The following RIMS1 variants were observed in gnomAD, a reference collection of about 807,000 sequenced individuals.
RIMS1 encodes the protein regulating synaptic membrane exocytosis protein 1.
A neutral mutation model predicts 214.1 loss-of-function variants in RIMS1; 83 were observed. The observed-to-expected ratio is 0.39, with a 90% CI of 0.32 to 0.47. The LOEUF is 0.47. RIMS1 is among the 20% of genes least tolerant of loss of function. RIMS1 has a pLI of 0.99. For missense variants in RIMS1, 2,050 were observed against 2,161.8 expected (o/e 0.95, Z 1.03); for synonymous variants, 793 against 786.8 (o/e 1.01, Z -0.13).
intron 2 of RIMS1, among the ~76,000 whole-genome samples, chr6:72,017,854 A>G (rs1813280276): frequency 6.6e-6 from 1 of 152,246 alleles, no homozygotes; most frequent in African/African-American, 2.4e-5. Context: ...TGTGTGAGCC[A>G]TTCTGGGCAG....
chr6:72,041,235 G>A (rs750179599), intron 2 of RIMS1, among the ~76,000 whole-genome samples: 3 of 151,904 alleles, frequency 2.0e-5, no homozygotes, highest in South Asian at 2.1e-4. Context: ...AGAAGACAGA[G>A]CATTGCATTC....
chr6:72,008,802 A>C (rs1366822328), intron 2 of RIMS1, among the ~76,000 whole-genome samples: 4 of 152,232 alleles, frequency 2.6e-5, no homozygotes. Flanking sequence ...CATGCAATAC[A>C]GGAGCACCCA....
intron 4 of RIMS1, among the ~76,000 whole-genome samples, chr6:72,110,287 T>G (rs1380417410): frequency 6.6e-6 from 1 of 152,222 alleles, no homozygotes; most frequent in Non-Finnish European, 1.5e-5. Context: ...ATAAATTACC[T>G]TGGGCAGTAT....
chr6:72,053,317 C>T (rs375852761), intron 2 of RIMS1, among the ~76,000 whole-genome samples: 14 of 152,274 alleles, frequency 9.2e-5, no homozygotes, highest in East Asian at 1.9e-4. Flanking sequence ...GGCATATTTA[C>T]GTTGCCTATT....
rs114463117 is a variant in RIMS1, at chr6:71,963,598, T to C, written c.165-5385T>C. On this transcript the variant is annotated intron_variant, in intron 1 of 33. Transcript: ENST00000521978. ...ATAGTATTTCACTGGTTCAAAGCAGTAATTGGATATTAAAGAGTCCTTTCC... is the reference window on the plus strand; with the variant it reads ...ATAGTATTTCACTGGTTCAAAGCAGCAATTGGATATTAAAGAGTCCTTTCC... 7.8e-3 allele frequency among the ~76,000 whole-genome samples: 1,194 copies of C among 152,284 alleles called. 14 individuals are homozygous for C. Among genetic ancestry groups the C allele is most frequent in the African/African-American group, 0.027 (1,125 of 41,558 alleles).
At chr6:72,050,359 C>G (rs573673573) in intron 2 of RIMS1, among the ~76,000 whole-genome samples, 2 of 152,262 alleles carry the variant, frequency 1.3e-5, no homozygotes, top group African/African-American at 4.8e-5. Flanking sequence ...TCTCTTAAAG[C>G]CTTCTCCATC....
chr6:72,376,251 A>G (rs977253394), intron 29 of RIMS1, among the ~76,000 whole-genome samples: 6 of 152,074 alleles, frequency 3.9e-5, no homozygotes, highest in African/African-American at 1.2e-4. Context: ...GTGAAGTGTA[A>G]GTTTTGCTAC....
rs2064907280 is a variant in RIMS1 at position 72,237,863 on chromosome 6, C to T, written c.1898C>T (p.Ala633Val). The change falls in exon 9 of 34, where the codon GCT becomes GTT. Residue 633 changes from alanine to valine, a missense_variant. Ala to Val is a moderately conservative substitution (Grantham distance 64). Transcript: ENST00000521978. ...GKMTDLGRLG[A>V]FITKVKKGSL... Reference sequence around the variant, plus strand: ...ATGACTGACTTAGGACGACTTGGTGCTTTCATCACCAAAGTAAAGAAGGGT... The same window carrying T: ...ATGACTGACTTAGGACGACTTGGTGTTTTCATCACCAAAGTAAAGAAGGGT... The T allele has an allele frequency of 6.2e-7, 1 of 1,613,364 alleles. No homozygotes were observed. Among genetic ancestry groups the T allele is most frequent in the Non-Finnish European group, 8.5e-7 (1 of 1,179,574 alleles).
intron 29 of RIMS1, among the ~76,000 whole-genome samples, chr6:72,389,359 A>G (rs1220990868): frequency 6.6e-6 from 1 of 152,196 alleles, no homozygotes; most frequent in Non-Finnish European, 1.5e-5. Context: ...TGTAAGCAAA[A>G]ATAGCAATAA....
chr6:72,005,352 G>A (rs904794720), intron 2 of RIMS1, among the ~76,000 whole-genome samples: 40 of 152,002 alleles, frequency 2.6e-4, no homozygotes, highest in Middle Eastern at 3.4e-3. Context: ...TTGGCGATGC[G>A]GGCTCTTTTT....
intron 2 of RIMS1, among the ~76,000 whole-genome samples, chr6:72,043,682 G>A (rs576319641): frequency 1.5e-5 from 2 of 134,046 alleles, no homozygotes; most frequent in Admixed American, 1.4e-4. Context: ...CTATTAACTA[G>A]ACTTTTTTCC....
rs138249297 is a variant in RIMS1 at position 72,216,055 on chromosome 6, G to C, written c.1679-17718G>C. Among the ~76,000 whole-genome samples, 242 of 152,264 alleles carry C rather than the reference G, an allele frequency of 1.6e-3. 2 individuals carry two copies. The highest frequency in any genetic ancestry group is 5.7e-3 in the African/African-American group (238 of 41,552). On this transcript the variant is annotated intron_variant, in intron 6 of 33. Transcript: ENST00000521978. ...TTGATTTTTCAGCAAATAATCCCTA[G>C]ATGATTAGAGAAGTGTATCATTATT... is the stretch of plus-strand genomic sequence containing the variant.
intron 4 of RIMS1, among the ~76,000 whole-genome samples, chr6:72,122,090 A>G (rs1462303509): frequency 1.3e-5 from 2 of 151,894 alleles, no homozygotes; most frequent in Non-Finnish European, 2.9e-5. Context: ...ATAGATGTTC[A>G]TCAGGGATAT....
Position 72,171,643 on chromosome 6 carries a change from G to A in RIMS1, c.472-7932G>A, listed in dbSNP as rs150198815. 3.3e-5 allele frequency among the ~76,000 whole-genome samples: 5 copies of A among 152,260 alleles called. No individual in the cohort carries two copies. The East Asian group carries it at 7.7e-4, about 24-fold the overall frequency. Reference sequence around the variant, plus strand: ...GATGATGACAATGAGTCTTTGGGAGGCTTTGCAAGTTGGCCTGAGTGAATT... The same window carrying A: ...GATGATGACAATGAGTCTTTGGGAGACTTTGCAAGTTGGCCTGAGTGAATT... On this transcript the variant is annotated intron_variant, in intron 4 of 33. Transcript: ENST00000521978.
At chr6:71,967,342 T>A (rs1434684319) in intron 1 of RIMS1, among the ~76,000 whole-genome samples, 1 of 151,870 alleles carries the variant, frequency 6.6e-6, no homozygotes, top group East Asian at 1.9e-4. Flanking sequence ...GAGTAGAGAT[T>A]GCACCACTGC....
intron 10 of RIMS1, among the ~76,000 whole-genome samples, chr6:72,244,924 G>C (rs2068721243): frequency 6.6e-6 from 1 of 151,916 alleles, no homozygotes; most frequent in East Asian, 1.9e-4. Context: ...ATTTTGTTGG[G>C]ACTAGCTAAC....
chr6:72,400,914 A>T lies in RIMS1; in HGVS notation c.*200A>T. 1.8e-6 allele frequency: 1 copy of T among 541,934 alleles called. No individual in the cohort carries two copies. Among genetic ancestry groups the T allele is most frequent in the Non-Finnish European group, 3.3e-6 (1 of 305,654 alleles). The allele number at this position is 541,934 out of a possible 1,614,324, so 33.6% of individuals were successfully genotyped here. On this transcript the variant is annotated 3_prime_UTR_variant, in exon 34 of 34. Transcript: ENST00000521978. The stretch of plus-strand genomic sequence containing the variant: ...GAACAAGGCAATCTATCAAATTTAC[A>T]GGAAGAATCAACATGCTGGTGAGAG...
At chr6:72,360,915 C>A (rs1483356684) in intron 29 of RIMS1, among the ~76,000 whole-genome samples, 4 of 148,798 alleles carry the variant, frequency 2.7e-5, no homozygotes, top group Non-Finnish European at 4.5e-5. Flanking sequence ...CCTTAGAAAT[C>A]CTCTGTTTAA....
chr6:72,103,155 AT>A (rs1339104882), intron 4 of RIMS1, among the ~76,000 whole-genome samples: 1 of 152,102 alleles, frequency 6.6e-6, no homozygotes, highest in African/African-American at 2.4e-5. Flanking sequence ...TCATTTGGCA[AT>A]TTGGCTGATT....
Sources: gnomAD v4.1 joint callset for allele counts (sites outside exome capture counted in the v4.1 genomes callset) on GRCh38, gnomAD v4.1.1 for gene constraint, MANE v1.5 for transcripts, NCBI Gene and HGNC (gene_info 2026-07-23, HGNC 2026-07-21) for gene names.